RBFOX1: variants seen among roughly 807,000 people sequenced by gnomAD.
RBFOX1 encodes the protein RNA binding fox-1 homolog 1.
In RBFOX1, 8 loss-of-function variants were observed where a neutral mutation model predicts 57.7. That is an observed-to-expected ratio of 0.14 (90% CI 0.08 to 0.25). RBFOX1 has a LOEUF of 0.25. Ranked by LOEUF, RBFOX1 falls within the 10% of genes least tolerant of loss-of-function variation. RBFOX1 has a pLI of 1.00. For missense variants in RBFOX1, 611 were observed against 548.5 expected (o/e 1.11, Z -1.14); for synonymous variants, 326 against 222.4 (o/e 1.47, Z -4.15).
At chr16:6,777,609 G>C (rs2079595063) in intron 3 of RBFOX1, among the ~76,000 whole-genome samples, 1 of 152,100 alleles carries the variant, frequency 6.6e-6, no homozygotes, top group Non-Finnish European at 1.5e-5. Flanking sequence ...ACAGAATGAT[G>C]GAAATTTCAC....
At chr16:7,240,158 G>T (rs1352830943) in intron 4 of RBFOX1, among the ~76,000 whole-genome samples, 2 of 151,986 alleles carry the variant, frequency 1.3e-5, no homozygotes, top group East Asian at 1.9e-4. Context: ...GTAGCGAAAG[G>T]GTTTCACCAT....
chr16:6,035,701 C>T (rs1218617165), intron 1 of RBFOX1, among the ~76,000 whole-genome samples: 1 of 152,146 alleles, frequency 6.6e-6, no homozygotes, highest in Non-Finnish European at 1.5e-5. Flanking sequence ...ATCAGCGTCA[C>T]CTTCTTAGAA....
intron 3 of RBFOX1, among the ~76,000 whole-genome samples, chr16:5,710,609 T>C (rs1431449160): frequency 6.6e-6 from 1 of 152,164 alleles, no homozygotes; most frequent in Non-Finnish European, 1.5e-5. Flanking sequence ...ATTGTTGTGG[T>C]TGGGGAGGGT....
intron 3 of RBFOX1, among the ~76,000 whole-genome samples, chr16:5,856,575 G>GTGCATA (rs1192496608): frequency 9.1e-5 from 3 of 32,920 alleles, no homozygotes; most frequent in Non-Finnish European, 1.7e-4. Flanking sequence ...GTGTGTGTGT[G>GTGCATA]TATATATATA....
intron 3 of RBFOX1, among the ~76,000 whole-genome samples, chr16:5,746,857 T>C (rs1290577596): frequency 6.6e-6 from 1 of 152,232 alleles, no homozygotes; most frequent in Non-Finnish European, 1.5e-5. Context: ...GGTGGGGTTT[T>C]CTAAATATAC....
At chr16:6,658,927 G>C (rs12935789) in intron 3 of RBFOX1, among the ~76,000 whole-genome samples, 4 of 124,888 alleles carry the variant, frequency 3.2e-5, no homozygotes, top group African/African-American at 1.2e-4. Context: ...TTTGTTTTTT[G>C]GTTTTTTTGT....
intron 3 of RBFOX1, among the ~76,000 whole-genome samples, chr16:5,613,924 CTTT>C (rs59357758): frequency 7.0e-6 from 1 of 143,794 alleles, no homozygotes; most frequent in Non-Finnish European, 1.5e-5. Context: ...TTTCCTTGGA[CTTT>C]TTTTTTTTTT....
intron 3 of RBFOX1, among the ~76,000 whole-genome samples, chr16:6,794,338 G>C (rs116722274): frequency 0.018 from 2,460 of 138,444 alleles, 89 homozygotes; most frequent in African/African-American, 0.062. Context: ...ATACAAACAT[G>C]AGGCATTCTC....
intron 1 of RBFOX1, among the ~76,000 whole-genome samples, chr16:6,145,368 G>GT (rs918249878): frequency 4.6e-5 from 7 of 151,376 alleles, no homozygotes; most frequent in East Asian, 1.9e-4. Context: ...ACACAATCTT[G>GT]TTTTTTTTAA....
At chr16:7,368,793 A>AT (rs200949884) in intron 4 of RBFOX1, among the ~76,000 whole-genome samples, 4,011 of 151,760 alleles carry the variant, frequency 0.026, 181 homozygotes, top group African/African-American at 0.088. Context: ...AAAAAAAAAA[A>AT]AAATAAAAAT....
chr16:7,641,749 A>G (rs966475402), intron 11 of RBFOX1, among the ~76,000 whole-genome samples: 3 of 152,196 alleles, frequency 2.0e-5, no homozygotes, highest in African/African-American at 7.2e-5. Context: ...TGGATTCAGG[A>G]AAGTCTGGGA....
intron 2 of RBFOX1, among the ~76,000 whole-genome samples, chr16:6,525,272 G>A (rs990984366): frequency 3.9e-5 from 6 of 152,184 alleles, no homozygotes; most frequent in African/African-American, 1.4e-4. Context: ...AACCACTGCA[G>A]AATTATCAAA....
rs970007455 is a variant in RBFOX1 at position 6,930,045 on chromosome 16, C to A, written c.-15-122012C>A. ...TTCTCTCCACATCCTTGCTTATCCC[C>A]TCTCTCCCATAGCAAACCAGCCCTG... On this transcript the variant is annotated intron_variant, in intron 3 of 15. Transcript: ENST00000550418. 2.0e-5 allele frequency among the ~76,000 whole-genome samples: 3 copies of A among 152,170 alleles called. No individual in the cohort carries two copies. The South Asian group carries it at 6.2e-4, about 32-fold the overall frequency.
chr16:7,346,608 A>G (rs1195401800), intron 4 of RBFOX1, among the ~76,000 whole-genome samples: 4 of 151,148 alleles, frequency 2.6e-5, no homozygotes, highest in Non-Finnish European at 5.9e-5. Flanking sequence ...CTGACACATC[A>G]TGGTGTGTGT....
At chr16:7,261,126 A>G (rs188546385) in intron 4 of RBFOX1, among the ~76,000 whole-genome samples, 1 of 151,148 alleles carries the variant, frequency 6.6e-6, no homozygotes, top group African/African-American at 2.5e-5. Flanking sequence ...CCTCTGTAGG[A>G]CACATATCCA....
intron 4 of RBFOX1, among the ~76,000 whole-genome samples, chr16:5,934,730 G>A (rs552121254): frequency 8.5e-5 from 13 of 152,264 alleles, no homozygotes; most frequent in East Asian, 3.9e-4. Context: ...TAATTATTAC[G>A]TGTCATTTAA....
At chr16:5,242,824 G>A (rs1017961478) in intron 1 of RBFOX1, among the ~76,000 whole-genome samples, 2 of 152,094 alleles carry the variant, frequency 1.3e-5, no homozygotes, top group Non-Finnish European at 2.9e-5. Context: ...GTGACTGGGT[G>A]TCCCTTGGAG....
intron 3 of RBFOX1, among the ~76,000 whole-genome samples, chr16:6,669,006 G>A (rs917610607): frequency 6.6e-6 from 1 of 152,130 alleles, no homozygotes. Flanking sequence ...TTCAGTTGGT[G>A]GGTTTTATTA....
chr16:6,908,160 C>A (rs185068145), intron 3 of RBFOX1, among the ~76,000 whole-genome samples: 1 of 151,746 alleles, frequency 6.6e-6, no homozygotes, highest in African/African-American at 2.4e-5. Context: ...TAACAATCTA[C>A]TTCTCTGCAT....
Sources: gnomAD v4.1 joint callset for allele counts (sites outside exome capture counted in the v4.1 genomes callset) on GRCh38, gnomAD v4.1.1 for gene constraint, MANE v1.5 for transcripts, NCBI Gene and HGNC (gene_info 2026-07-23, HGNC 2026-07-21) for gene names.